Variants in AGPS observed in about 807,000 individuals in gnomAD.
The protein encoded by AGPS is alkyldihydroxyacetonephosphate synthase, peroxisomal.
AGPS carries 26 observed loss-of-function variants against 90.7 expected under a neutral mutation model. The ratio of observed to expected loss-of-function variants is 0.29; its 90% CI spans 0.21 to 0.40. The LOEUF is 0.40. Ranked by LOEUF, AGPS falls within the 10% of genes least tolerant of loss-of-function variation. AGPS has a pLI of 1.00. For missense variants in AGPS, 540 were observed against 816.1 expected (o/e 0.66, Z 4.12); for synonymous variants, 294 against 285.3 (o/e 1.03, Z -0.31).
chr2:177,433,578 A>G (rs1686304746), intron 2 of AGPS, among the ~76,000 whole-genome samples: 1 of 152,088 alleles, frequency 6.6e-6, no homozygotes, highest in Non-Finnish European at 1.5e-5. Context: ...CATACTTTCC[A>G]GTTTGTTCTT....
intron 9 of AGPS, among the ~76,000 whole-genome samples, chr2:177,466,241 C>T (rs1419444003): frequency 1.3e-5 from 2 of 152,142 alleles, no homozygotes; most frequent in Admixed American, 6.5e-5. Flanking sequence ...GAAAGGAGAT[C>T]CACAGTGGGT....
At chr2:177,428,120 T>C (rs1043579609) in intron 2 of AGPS, among the ~76,000 whole-genome samples, 1 of 152,214 alleles carries the variant, frequency 6.6e-6, no homozygotes, top group Admixed American at 6.5e-5. Context: ...TGGTTTAAAG[T>C]CTGTTTTGTC....
intron 13 of AGPS, among the ~76,000 whole-genome samples, chr2:177,497,971 A>G (rs1158503501): frequency 6.6e-6 from 1 of 151,902 alleles, no homozygotes; most frequent in Non-Finnish European, 1.5e-5. Context: ...TGAAGCTTCT[A>G]AAAATAACAC....
intron 11 of AGPS, among the ~76,000 whole-genome samples, chr2:177,490,871 T>A (rs60835278): frequency 0.062 from 8,351 of 134,786 alleles, 472 homozygotes; most frequent in East Asian, 0.21. Context: ...TTTTTTTTTT[T>A]AAAGACAGAG....
intron 14 of AGPS, among the ~76,000 whole-genome samples, chr2:177,504,204 C>G (rs1688641571): frequency 6.6e-6 from 1 of 152,120 alleles, no homozygotes; most frequent in Non-Finnish European, 1.5e-5. Context: ...CTTTTTCTCT[C>G]TTGGACTCAG....
chr2:177,528,931 C>T (rs1463407075), intron 19 of AGPS, among the ~76,000 whole-genome samples: 1 of 138,858 alleles, frequency 7.2e-6, no homozygotes, highest in Non-Finnish European at 1.5e-5. Context: ...TCTCCACTCA[C>T]TGCAACCTCT....
chr2:177,424,433 A>T (rs1235128075), intron 2 of AGPS, among the ~76,000 whole-genome samples: 2 of 133,124 alleles, frequency 1.5e-5, no homozygotes, highest in African/African-American at 5.6e-5. Context: ...ATGCATGCAT[A>T]TATCTTTATA....
intron 16 of AGPS, among the ~76,000 whole-genome samples, chr2:177,511,239 C>T (rs996042853): frequency 1.3e-5 from 2 of 151,870 alleles, no homozygotes; most frequent in East Asian, 1.9e-4. Context: ...AGCTAGGATC[C>T]CAGGTGCACG....
intron 11 of AGPS, among the ~76,000 whole-genome samples, chr2:177,489,963 T>A (rs747487331): frequency 1.3e-5 from 2 of 152,188 alleles, no homozygotes; most frequent in Non-Finnish European, 2.9e-5. Flanking sequence ...CTCTCAGCCC[T>A]GCATTAGTAA....
At chr2:177,472,279 A>G (rs912458977) in intron 10 of AGPS, among the ~76,000 whole-genome samples, 6 of 150,000 alleles carry the variant, frequency 4.0e-5, no homozygotes, top group Non-Finnish European at 7.4e-5. Context: ...TTTTTTTTCA[A>G]TGCCCTGTAT....
chr2:177,502,690 C>T (rs1272427678), intron 14 of AGPS, among the ~76,000 whole-genome samples: 1 of 152,084 alleles, frequency 6.6e-6, no homozygotes. Context: ...CTTGGCCTCC[C>T]AAAGTGCTGG....
intron 2 of AGPS, among the ~76,000 whole-genome samples, chr2:177,427,084 T>G (rs1559041343): frequency 6.6e-6 from 1 of 152,220 alleles, no homozygotes; most frequent in Non-Finnish European, 1.5e-5. Context: ...GGTTCAATCT[T>G]GGGAGGGTGT....
At chr2:177,415,616 A>C (rs1685763359) in intron 1 of AGPS, among the ~76,000 whole-genome samples, 1 of 152,224 alleles carries the variant, frequency 6.6e-6, no homozygotes, top group African/African-American at 2.4e-5. Context: ...AAAGTGTTGC[A>C]TGATAATGTT....
chr2:177,418,347 T>G (rs963067676), intron 1 of AGPS, among the ~76,000 whole-genome samples: 1 of 152,098 alleles, frequency 6.6e-6, no homozygotes, highest in Non-Finnish European at 1.5e-5. Flanking sequence ...GTGACCAAGT[T>G]TAGCTTTTTA....
intron 16 of AGPS, among the ~76,000 whole-genome samples, chr2:177,511,134 T>C (rs1688857824): frequency 6.6e-6 from 1 of 152,162 alleles, no homozygotes; most frequent in African/African-American, 2.4e-5. Flanking sequence ...GATCTCGCTC[T>C]GTCACCCAGG....
chr2:177,503,250 G>T (rs1221781427), intron 14 of AGPS, among the ~76,000 whole-genome samples: 1 of 152,118 alleles, frequency 6.6e-6, no homozygotes, highest in Non-Finnish European at 1.5e-5. Context: ...ATGTTTGCTA[G>T]TAATGTATTT....
At chr2:177,428,038 A>C (rs566587023) in intron 2 of AGPS, among the ~76,000 whole-genome samples, 1 of 152,298 alleles carries the variant, frequency 6.6e-6, no homozygotes, top group East Asian at 1.9e-4. Flanking sequence ...TATTTAGGAT[A>C]TTTAGCTCTT....
intron 1 of AGPS, among the ~76,000 whole-genome samples, chr2:177,396,314 T>A (rs1685172531): frequency 1.3e-5 from 2 of 152,156 alleles, no homozygotes; most frequent in South Asian, 4.1e-4. Context: ...GGGTTATCAG[T>A]CCATTCGTTC....
chr2:177,519,284 T>C (rs1689113380), intron 17 of AGPS, among the ~76,000 whole-genome samples: 1 of 152,194 alleles, frequency 6.6e-6, no homozygotes, highest in South Asian at 2.1e-4. Context: ...GCATTTGTTT[T>C]ACCTAGAACA....
Sources: gnomAD v4.1 joint callset for allele counts (sites outside exome capture counted in the v4.1 genomes callset) on GRCh38, gnomAD v4.1.1 for gene constraint, MANE v1.5 for transcripts, NCBI Gene and HGNC (gene_info 2026-07-23, HGNC 2026-07-21) for gene names.